FSTL5: variants seen among roughly 807,000 people sequenced by gnomAD.
The protein encoded by FSTL5 is follistatin like 5, also known as follistatin-related protein 5.
In FSTL5, 62 loss-of-function variants were observed where a neutral mutation model predicts 89.1. That is an observed-to-expected ratio of 0.70 (90% CI 0.57 to 0.86). FSTL5 has a LOEUF of 0.86. Among genes scored for constraint, FSTL5 ranks in the 40% least tolerant of loss-of-function variants. The pLI, the probability that FSTL5 is intolerant of heterozygous loss-of-function variation, is 0.00. For missense variants in FSTL5, 1,057 were observed against 1,001.6 expected (o/e 1.06, Z -0.75); for synonymous variants, 383 against 346.2 (o/e 1.11, Z -1.18).
chr4:162,017,691 CT>C (rs2111147893), intron 3 of FSTL5, among the ~76,000 whole-genome samples: 1 of 152,232 alleles, frequency 6.6e-6, no homozygotes, highest in African/African-American at 2.4e-5. Flanking sequence ...ATCAGCAGAA[CT>C]TTAAAGTATG....
chr4:161,510,613 G>T (rs1367315290), intron 10 of FSTL5, among the ~76,000 whole-genome samples, 189 bp from the exon 11 acceptor site: 1 of 151,750 alleles, frequency 6.6e-6, no homozygotes, highest in African/African-American at 2.4e-5. Flanking sequence ...AGCTAATAAT[G>T]CTTTGTACAT....
At chr4:161,442,503 T>C (rs1054724203) in intron 15 of FSTL5, among the ~76,000 whole-genome samples, 2 of 152,132 alleles carry the variant, frequency 1.3e-5, no homozygotes, top group African/African-American at 4.8e-5. Flanking sequence ...GGCAATTCTC[T>C]GTGTCCACAA....
At chr4:161,817,044 T>C (rs1391292590) in intron 4 of FSTL5, among the ~76,000 whole-genome samples, 1 of 152,194 alleles carries the variant, frequency 6.6e-6, no homozygotes, top group African/African-American at 2.4e-5. Context: ...GTAAGCAAAT[T>C]GACATATCAC....
chr4:161,457,403 T>G (rs1056474087), intron 14 of FSTL5, among the ~76,000 whole-genome samples: 7 of 152,324 alleles, frequency 4.6e-5, no homozygotes, highest in African/African-American at 1.7e-4. Context: ...TATGTTTTAT[T>G]AGGCATCCAG....
intron 8 of FSTL5, among the ~76,000 whole-genome samples, chr4:161,550,233 T>C (rs917112144): frequency 6.6e-6 from 1 of 151,940 alleles, no homozygotes; most frequent in African/African-American, 2.4e-5. Context: ...AAAAGAAATC[T>C]GCTGCACCCT....
At position 161,542,649 on chromosome 4, in the gene FSTL5, G is replaced by C; in HGVS notation, c.1060C>G (p.Pro354Ala). Residue 354 changes from proline to alanine, a missense_variant, in exon 9 of 16, where the codon CCT (proline) becomes GCT (alanine). By Grantham distance (27) the Pro-to-Ala change is conservative. Coordinates refer to ENST00000306100, the MANE Select transcript of FSTL5 (RefSeq NM_020116.5). ...CACCTAAGACTGGCAGTTACCCCAG[G>C]CTCTCTAGCCTGACTCTCTGGATAC... ...RVYPESQARE[P>A]GVTASLRCHA... is the part of the protein sequence containing the mutation. 1.3e-6 allele frequency: 2 copies of C among 1,555,288 alleles called. No homozygotes were observed. Among genetic ancestry groups the C allele is most frequent in the Non-Finnish European group, 1.7e-6 (2 of 1,146,806 alleles).
intron 3 of FSTL5, among the ~76,000 whole-genome samples, chr4:162,014,749 G>A (rs1244829657): frequency 5.9e-5 from 9 of 152,032 alleles, no homozygotes; most frequent in African/African-American, 1.9e-4. Flanking sequence ...TTTTTTAAAA[G>A]TCTAGATAAA....
chr4:161,450,741 A>AT (rs70937651), intron 15 of FSTL5, among the ~76,000 whole-genome samples: 4,426 of 131,572 alleles, frequency 0.034, 277 homozygotes, highest in African/African-American at 0.11. Context: ...ATTCATCTTC[A>AT]TTTTTTTTTT....
At chr4:161,973,749 C>A (rs1735551800) in intron 3 of FSTL5, among the ~76,000 whole-genome samples, 1 of 152,070 alleles carries the variant, frequency 6.6e-6, no homozygotes, top group South Asian at 2.1e-4. Flanking sequence ...ACTCTGTGTG[C>A]TGTAATAAGA....
chr4:161,949,779 T>TTA (rs397880827), intron 3 of FSTL5, among the ~76,000 whole-genome samples: 1 of 151,852 alleles, frequency 6.6e-6, no homozygotes, highest in African/African-American at 2.4e-5. Context: ...TTTTTTTTTT[T>TTA]AAATTAACAT....
chr4:161,417,150 G>A (rs1265196183), intron 15 of FSTL5, among the ~76,000 whole-genome samples: 1 of 152,134 alleles, frequency 6.6e-6, no homozygotes, highest in African/African-American at 2.4e-5. Context: ...TAAAATCTCT[G>A]CATTCAACAG....
intron 7 of FSTL5, among the ~76,000 whole-genome samples, chr4:161,651,442 T>C (rs544868120): frequency 1.3e-5 from 2 of 152,112 alleles, no homozygotes; most frequent in Non-Finnish European, 1.5e-5. Context: ...CTTGGTACTA[T>C]ATGTAACCTA....
intron 3 of FSTL5, among the ~76,000 whole-genome samples, chr4:161,929,119 C>T (rs1314230630): frequency 5.9e-5 from 9 of 151,352 alleles, no homozygotes; most frequent in Admixed American, 4.6e-4. Flanking sequence ...TTCCTCCCTC[C>T]TTCCCTCCCT....
intron 7 of FSTL5, among the ~76,000 whole-genome samples, chr4:161,633,094 T>TTCTA (rs1246995909): frequency 0.015 from 2,223 of 152,074 alleles, 49 homozygotes; most frequent in African/African-American, 0.049. Context: ...AGCACAATGT[T>TTCTA]TCTAAAATAG....
In FSTL5 at chr4:161,850,583, A is replaced by G. The variant is rs116019284; in HGVS notation, c.409+69821T>C. On this transcript the variant is annotated intron_variant, in intron 4 of 15. Transcript: ENST00000306100. ...ATGTTTCTGGCCCAGACACATTTGC[A>G]TGGCTGTGGGGCATCTGTCAATTAT... Among the ~76,000 whole-genome samples the G allele has an allele frequency of 5.7e-3, 874 of 152,234 alleles. 9 individuals are homozygous for G. Among genetic ancestry groups the G allele is most frequent in the African/African-American group, 0.02 (822 of 41,536 alleles).
In FSTL5 at chr4:161,914,192, A is replaced by T. The variant is rs1311274619; in HGVS notation, c.409+6212T>A. On this transcript the variant is annotated intron_variant, in intron 4 of 15. Coordinates refer to ENST00000306100, the MANE Select transcript of FSTL5 (RefSeq NM_020116.5). Reference sequence around the variant, plus strand: ...TTCTTGTTTTTTTATGTCACTTTTGACTATTGTGCCCATGACTAGTAGTGG... The same window carrying T: ...TTCTTGTTTTTTTATGTCACTTTTGTCTATTGTGCCCATGACTAGTAGTGG... 4.6e-5 allele frequency among the ~76,000 whole-genome samples: 7 copies of T among 152,320 alleles called. No individual in the cohort carries two copies. In the East Asian group the frequency reaches 1.4e-3, roughly 29 times the overall value.
At chr4:161,911,231 A>T (rs909722785) in intron 4 of FSTL5, among the ~76,000 whole-genome samples, 7 of 152,118 alleles carry the variant, frequency 4.6e-5, no homozygotes. Flanking sequence ...TTATGCTAGA[A>T]CAATCTGTAA....
intron 15 of FSTL5, among the ~76,000 whole-genome samples, chr4:161,390,209 G>A (rs960833614): frequency 6.6e-6 from 1 of 152,112 alleles, no homozygotes; most frequent in East Asian, 1.9e-4. Context: ...AGGTGAACCT[G>A]AGCTCTGCAC....
At chr4:161,603,249 ACC>A in intron 7 of FSTL5, among the ~76,000 whole-genome samples, 1 of 152,274 alleles carries the variant, frequency 6.6e-6, no homozygotes, top group Admixed American at 6.5e-5. Flanking sequence ...CAATAGAGAG[ACC>A]CACACAATTT....
Sources: allele counts gnomAD v4.1 joint callset (sites outside exome capture counted in the v4.1 genomes callset), GRCh38; gene constraint gnomAD v4.1.1; transcripts MANE v1.5; gene names NCBI Gene and HGNC (gene_info 2026-07-23, HGNC 2026-07-21).